The following SCAMP1 variants were observed in gnomAD, a reference collection of about 807,000 sequenced individuals.
SCAMP1 encodes secretory carrier membrane protein 1, also known as secretory carrier-associated membrane protein 1.
SCAMP1 carries 15 observed loss-of-function variants against 41.8 expected under a neutral mutation model. The observed-to-expected ratio is 0.36, with a 90% CI of 0.24 to 0.55. The LOEUF (loss-of-function observed/expected upper bound fraction) is 0.55, where lower values mean the gene tolerates loss of function less well. Ranked by LOEUF, SCAMP1 falls within the 20% of genes least tolerant of loss-of-function variation. SCAMP1 has a pLI of 0.86. For missense variants in SCAMP1, 341 were observed against 412.6 expected (o/e 0.83, Z 1.50); for synonymous variants, 135 against 136.8 (o/e 0.99, Z 0.09).
chr5:78,459,444 A>T (rs1243289264), intron 8 of SCAMP1, 82 bp downstream of exon 8: 1 of 704,906 alleles, frequency 1.4e-6, no homozygotes, highest in African/African-American at 1.8e-5. Flanking sequence ...AATTTGGTGT[A>T]ACCTGAAGCC....
At chr5:78,413,440 T>C (rs1281539402) in intron 2 of SCAMP1, among the ~76,000 whole-genome samples, 1 of 141,996 alleles carries the variant, frequency 7.0e-6, no homozygotes, top group Non-Finnish European at 1.5e-5. Flanking sequence ...TTTTTTGAGA[T>C]AGACTCTCAC....
At chr5:78,445,182 A>G (rs911170001) in intron 6 of SCAMP1, among the ~76,000 whole-genome samples, 2 of 152,244 alleles carry the variant, frequency 1.3e-5, no homozygotes, top group Non-Finnish European at 2.9e-5. Context: ...AAGATCAAAT[A>G]AGCTTATTTT....
At chr5:78,472,855 C>T (rs1404279653) in intron 8 of SCAMP1, among the ~76,000 whole-genome samples, 1 of 152,018 alleles carries the variant, frequency 6.6e-6, no homozygotes, top group African/African-American at 2.4e-5. Context: ...TAAGAATTAA[C>T]ATTTATTTAT....
rs1331146480 is a variant in SCAMP1 at position 78,478,860 on chromosome 5, AAAG to A, written c.*3193_*3195del. 3 of 152,174 alleles carry A rather than the reference AAAG, an allele frequency of 2.0e-5. No individual in the cohort carries two copies. Among genetic ancestry groups the A allele is most frequent in the African/African-American group, 7.2e-5 (3 of 41,458 alleles). The allele number at this position is 152,174 out of a possible 1,614,324, so 9.4% of individuals were successfully genotyped here. A position where few individuals can be genotyped will look rare whatever the true frequency, so the allele number is the denominator to read the frequency against. ...TTATTTTCTGGGTGTTATATTTAAA[AAAG>A]CAAGTTTGGATTTTTACACCTAATT... is the stretch of plus-strand genomic sequence containing the variant. On this transcript the variant is annotated 3_prime_UTR_variant, in exon 9 of 9. Coordinates refer to ENST00000621999, the MANE Select transcript of SCAMP1 (RefSeq NM_004866.6).
chr5:78,452,983 C>A (rs1178443440), intron 7 of SCAMP1, among the ~76,000 whole-genome samples: 3 of 148,164 alleles, frequency 2.0e-5, no homozygotes, highest in Non-Finnish European at 4.5e-5. Context: ...TAAATGTCTT[C>A]TTTTGAGAAG....
intron 8 of SCAMP1, among the ~76,000 whole-genome samples, chr5:78,461,227 G>T (rs1001473387): frequency 1.3e-5 from 2 of 152,132 alleles, no homozygotes; most frequent in Non-Finnish European, 2.9e-5. Context: ...TGCTATTGAG[G>T]TCTTAGTAGT....
At chr5:78,450,071 T>G in intron 7 of SCAMP1, 37 bp downstream of exon 7, 3 of 1,112,132 alleles carry the variant, frequency 2.7e-6, no homozygotes, top group Non-Finnish European at 4.0e-6. Context: ...AGCTTTAATC[T>G]AATATTGTAA....
intron 1 of SCAMP1, among the ~76,000 whole-genome samples, chr5:78,369,723 G>GTTCTA (rs1422979658): frequency 1.7e-4 from 26 of 152,274 alleles, no homozygotes; most frequent in African/African-American, 6.0e-4. Context: ...CATTTTCTCT[G>GTTCTA]TTCTAATATA....
chr5:78,407,554 T>C (rs1388451248), intron 2 of SCAMP1, among the ~76,000 whole-genome samples: 2 of 152,046 alleles, frequency 1.3e-5, no homozygotes, highest in African/African-American at 4.8e-5. Flanking sequence ...AAAATTTGGC[T>C]TGTGTTTTAG....
At chr5:78,465,898 A>G (rs1027633387) in intron 8 of SCAMP1, among the ~76,000 whole-genome samples, 4 of 152,182 alleles carry the variant, frequency 2.6e-5, no homozygotes, top group Admixed American at 6.5e-5. Context: ...AACAGATTGG[A>G]TGGGGCATAC....
intron 6 of SCAMP1, among the ~76,000 whole-genome samples, chr5:78,446,987 A>G (rs1429552815): frequency 6.6e-6 from 1 of 152,260 alleles, no homozygotes; most frequent in Non-Finnish European, 1.5e-5. Context: ...AGCACCAGCT[A>G]GCGAGCATTA....
chr5:78,369,339 T>C (rs1205040765), intron 1 of SCAMP1, among the ~76,000 whole-genome samples: 1 of 152,104 alleles, frequency 6.6e-6, no homozygotes, highest in Admixed American at 6.5e-5. Flanking sequence ...ACTCCTGACC[T>C]CAGGTGATCT....
intron 8 of SCAMP1, among the ~76,000 whole-genome samples, chr5:78,469,908 A>AC (rs1561290916): frequency 2.1e-4 from 8 of 38,492 alleles, no homozygotes; most frequent in Admixed American, 1.4e-3. Flanking sequence ...AAAAAAAAAA[A>AC]AAAACAAAAA....
At position 78,423,674 on chromosome 5, in the gene SCAMP1, C is replaced by CT. The variant is rs71613954; in HGVS notation, c.632+1724dup. ...TTTATTTCCTGAAGTCACTTGGTAT[C>CT]TTTTTTTTTTCCCCCATTTTGGCAG... On this transcript the variant is annotated intron_variant, in intron 6 of 8. Coordinates refer to ENST00000621999, the MANE Select transcript of SCAMP1 (RefSeq NM_004866.6). Among the ~76,000 whole-genome samples the CT allele has an allele frequency of 2.1e-3, 314 of 149,370 alleles. 3 individuals are homozygous for CT. Among genetic ancestry groups the CT allele is most frequent in the African/African-American group, 6.0e-3 (243 of 40,806 alleles).
chr5:78,400,642 T>G (rs886673381), intron 2 of SCAMP1, among the ~76,000 whole-genome samples: 1 of 152,236 alleles, frequency 6.6e-6, no homozygotes, highest in Non-Finnish European at 1.5e-5. Context: ...AATTTGAAAT[T>G]CGACTTGTTC....
At chr5:78,430,678 T>G (rs1752598737) in intron 6 of SCAMP1, among the ~76,000 whole-genome samples, 1 of 151,928 alleles carries the variant, frequency 6.6e-6, no homozygotes, top group Admixed American at 6.6e-5. Flanking sequence ...GTCTTTATGG[T>G]CTTTTGGGCA....
At chr5:78,454,917 T>C (rs1321447398) in intron 7 of SCAMP1, among the ~76,000 whole-genome samples, 2 of 151,950 alleles carry the variant, frequency 1.3e-5, no homozygotes, top group Non-Finnish European at 2.9e-5. Flanking sequence ...CTTGGGAGAG[T>C]GTATGTGTCG....
chr5:78,473,097 A>C (rs1402523229), intron 8 of SCAMP1, among the ~76,000 whole-genome samples: 2 of 152,160 alleles, frequency 1.3e-5, no homozygotes, highest in Non-Finnish European at 2.9e-5. Context: ...AAAGGGAATA[A>C]AAATAATTAC....
At chr5:78,369,396 C>G (rs945335619) in intron 1 of SCAMP1, among the ~76,000 whole-genome samples, 2 of 152,082 alleles carry the variant, frequency 1.3e-5, no homozygotes, top group Non-Finnish European at 2.9e-5. Context: ...CGTGAGTCAT[C>G]GTGCCCGGCC....
Sources: allele counts gnomAD v4.1 joint callset (sites outside exome capture counted in the v4.1 genomes callset), GRCh38; gene constraint gnomAD v4.1.1; transcripts MANE v1.5; gene names NCBI Gene and HGNC (gene_info 2026-07-23, HGNC 2026-07-21).